The following SYT1 variants were observed in gnomAD, a reference collection of about 807,000 sequenced individuals.
SYT1 encodes the protein synaptotagmin 1.
A neutral mutation model predicts 44.8 loss-of-function variants in SYT1; 8 were observed. That is an observed-to-expected ratio of 0.18 (90% CI 0.10 to 0.32). The LOEUF (loss-of-function observed/expected upper bound fraction) is 0.32, where lower values mean the gene tolerates loss of function less well. Among genes scored for constraint, SYT1 ranks in the 10% least tolerant of loss-of-function variants. The pLI is 1.00. For missense variants in SYT1, 286 were observed against 509.3 expected, an observed-to-expected ratio of 0.56 and a Z score of 4.22; for synonymous variants, 154 against 188.8, an observed-to-expected ratio of 0.82 and a Z score of 1.51.
intron 1 of SYT1, among the ~76,000 whole-genome samples, chr12:78,875,775 C>A (rs61336771): frequency 6.6e-6 from 1 of 151,558 alleles, no homozygotes; most frequent in African/African-American, 2.4e-5. Flanking sequence ...AGAATATACA[C>A]TGTTTTTACT....
At chr12:79,363,992 A>T (rs183674266) in intron 9 of SYT1, among the ~76,000 whole-genome samples, 2 of 152,270 alleles carry the variant, frequency 1.3e-5, no homozygotes, top group African/African-American at 4.8e-5. Context: ...CTGCCTAAAC[A>T]ATCAGTTTTA....
At chr12:79,371,613 A>G (rs1313466370) in intron 9 of SYT1, among the ~76,000 whole-genome samples, 1 of 152,192 alleles carries the variant, frequency 6.6e-6, no homozygotes, top group African/African-American at 2.4e-5. Context: ...TATAAAAAAG[A>G]GGAAGGTTAG....
Position 78,997,894 on chromosome 12 carries a change from C to G in SYT1, c.-84+19963C>G, listed in dbSNP as rs141872137. ...AAGTGAGACTGACTCCACAGTCACC[C>G]CATCTTTCTCTTAGTGATCCTGGTG... On this transcript the variant is annotated intron_variant, in intron 2 of 10. Coordinates refer to ENST00000261205, the MANE Select transcript of SYT1 (RefSeq NM_005639.3). Among the ~76,000 whole-genome samples, 690 of 152,230 alleles carry G rather than the reference C, an allele frequency of 4.5e-3. 5 individuals are homozygous for G. The highest frequency in any genetic ancestry group is 0.015 in the African/African-American group (640 of 41,552).
chr12:79,179,626 G>A (rs936740131), intron 3 of SYT1, among the ~76,000 whole-genome samples: 2 of 150,810 alleles, frequency 1.3e-5, no homozygotes, highest in Admixed American at 6.6e-5. Context: ...CTCCATGTGG[G>A]TCAGGCTGGT....
chr12:79,411,730 A>G (rs1868445069), intron 9 of SYT1, among the ~76,000 whole-genome samples: 1 of 152,178 alleles, frequency 6.6e-6, no homozygotes, highest in Admixed American at 6.5e-5. Context: ...CCACCCAGAA[A>G]TAAGTGCAGT....
intron 9 of SYT1, among the ~76,000 whole-genome samples, chr12:79,359,971 A>G (rs1883255595): frequency 6.6e-6 from 1 of 152,168 alleles, no homozygotes; most frequent in South Asian, 2.1e-4. Context: ...CACCTAGGGT[A>G]CTTATTAAAA....
intron 3 of SYT1, among the ~76,000 whole-genome samples, chr12:79,172,279 G>C (rs1194060387): frequency 6.6e-6 from 1 of 151,610 alleles, no homozygotes; most frequent in Non-Finnish European, 1.5e-5. Flanking sequence ...CTAACTTTAG[G>C]TATACTGAGA....
intron 8 of SYT1, among the ~76,000 whole-genome samples, chr12:79,329,686 G>A (rs994861368): frequency 6.6e-6 from 1 of 152,002 alleles, no homozygotes; most frequent in Non-Finnish European, 1.5e-5. Context: ...TCTGCACAAG[G>A]TCACCTATCT....
intron 4 of SYT1, among the ~76,000 whole-genome samples, chr12:79,255,362 A>G (rs940284466): frequency 6.6e-5 from 10 of 152,210 alleles, no homozygotes. Context: ...ATATATGTAC[A>G]TTGATTTTTA....
chr12:79,172,965 C>A (rs1403372241), intron 3 of SYT1, among the ~76,000 whole-genome samples: 1 of 60,734 alleles, frequency 1.6e-5, no homozygotes, highest in Non-Finnish European at 2.8e-5. Flanking sequence ...AGAGTTCCTG[C>A]TCTCAAAAAA....
chr12:79,305,486 C>T (rs1404629052), intron 8 of SYT1, among the ~76,000 whole-genome samples: 1 of 151,924 alleles, frequency 6.6e-6, no homozygotes, highest in Non-Finnish European at 1.5e-5. Context: ...TCTACCTATC[C>T]TATAAACACA....
chr12:79,151,002 C>T (rs990970346), intron 3 of SYT1, among the ~76,000 whole-genome samples: 2 of 152,020 alleles, frequency 1.3e-5, no homozygotes, highest in Admixed American at 6.6e-5. Context: ...AGCGACTCCT[C>T]GAGATAAGAA....
At chr12:79,326,517 T>C (rs1881614368) in intron 8 of SYT1, among the ~76,000 whole-genome samples, 1 of 152,184 alleles carries the variant, frequency 6.6e-6, no homozygotes, top group South Asian at 2.1e-4. Context: ...GGGTTGTTCT[T>C]TCAGTTCATT....
At chr12:79,284,061 T>C (rs1180342212) in intron 4 of SYT1, among the ~76,000 whole-genome samples, 1 of 151,522 alleles carries the variant, frequency 6.6e-6, no homozygotes, top group Non-Finnish European at 1.5e-5. Flanking sequence ...TAGTAATGTT[T>C]ATTTGGCTTT....
At chr12:79,443,704 A>T (rs183721285) in intron 9 of SYT1, among the ~76,000 whole-genome samples, 3 of 152,280 alleles carry the variant, frequency 2.0e-5, no homozygotes, top group Non-Finnish European at 4.4e-5. Flanking sequence ...GTGAACGGTT[A>T]ATTTTTCAGG....
At position 78,997,242 on chromosome 12, in the gene SYT1, G is replaced by A. The variant is rs552209076; in HGVS notation, c.-84+19311G>A. Among the ~76,000 whole-genome samples, 35 of 152,300 alleles carry A rather than the reference G, an allele frequency of 2.3e-4. 1 individual carries two copies. The highest frequency in any genetic ancestry group is 9.2e-4 in the Admixed American group (14 of 15,292). On this transcript the variant is annotated intron_variant, in intron 2 of 10. Coordinates refer to ENST00000261205, the MANE Select transcript of SYT1 (RefSeq NM_005639.3). ...TGTTCTTAGAACAAAAACATGGCCCGTGGGAATCATTGCTATAGACAGTGT... is the reference window on the plus strand; with the variant it reads ...TGTTCTTAGAACAAAAACATGGCCCATGGGAATCATTGCTATAGACAGTGT...
chr12:79,299,356 T>A (rs1316417906), intron 7 of SYT1, 28 bp from the exon 8 acceptor site: 1 of 1,607,922 alleles, frequency 6.2e-7, no homozygotes, highest in Non-Finnish European at 8.5e-7. Flanking sequence ...TGTGACTGGA[T>A]ATTTTATCCT....
At chr12:79,015,298 A>C (rs1485008322) in intron 2 of SYT1, among the ~76,000 whole-genome samples, 1 of 152,132 alleles carries the variant, frequency 6.6e-6, no homozygotes, top group Admixed American at 6.5e-5. Flanking sequence ...CTAAACTTGC[A>C]CTCTAATATA....
intron 4 of SYT1, among the ~76,000 whole-genome samples, chr12:79,276,737 A>G (rs536532007): frequency 6.1e-4 from 92 of 151,972 alleles, no homozygotes; most frequent in African/African-American, 2.1e-3. Context: ...GAATTACACA[A>G]CGCAGTTGAA....
Sources: allele counts gnomAD v4.1 joint callset (sites outside exome capture counted in the v4.1 genomes callset), GRCh38; gene constraint gnomAD v4.1.1; transcripts MANE v1.5; gene names NCBI Gene and HGNC (gene_info 2026-07-23, HGNC 2026-07-21).